The following SMIM35 variants were observed in gnomAD, a reference collection of about 807,000 sequenced individuals.
SMIM35 encodes the protein TMPRSS4 antisense RNA 1 (non-protein coding).
chr11:118,034,934 G>A (rs975188052), intron 1 of SMIM35, among the ~76,000 whole-genome samples: 2 of 151,196 alleles, frequency 1.3e-5, no homozygotes, highest in African/African-American at 2.4e-5. Flanking sequence ...ATGAATATAA[G>A]TGGTGAGGAG....
chr11:118,061,418 C>T (rs939399572), intron 1 of SMIM35, among the ~76,000 whole-genome samples: 1 of 152,204 alleles, frequency 6.6e-6, no homozygotes, highest in African/African-American at 2.4e-5. Flanking sequence ...TACTTTTATG[C>T]CAATGTATTA....
chr11:118,007,084 T>A (rs1452614401), intron 4 of SMIM35, among the ~76,000 whole-genome samples: 3 of 151,966 alleles, frequency 2.0e-5, no homozygotes, highest in Admixed American at 1.3e-4. Context: ...CACAGGGGTG[T>A]CTCCACCCAC....
At chr11:118,012,306 G>T (rs958213729) in intron 4 of SMIM35, among the ~76,000 whole-genome samples, 2 of 152,174 alleles carry the variant, frequency 1.3e-5, no homozygotes, top group African/African-American at 4.8e-5. Context: ...GACGTCCTGT[G>T]CACACTCTGC....
intron 1 of SMIM35, among the ~76,000 whole-genome samples, chr11:118,034,762 G>A (rs2058346263): frequency 1.3e-5 from 2 of 152,106 alleles, no homozygotes; most frequent in South Asian, 4.1e-4. Flanking sequence ...GAGGGAAATG[G>A]CTGCTTTCTA....
In SMIM35 at chr11:118,048,933, G is replaced by A. The variant is rs1160533055; in HGVS notation, c.8-33124C>T. 2.7e-4 allele frequency among the ~76,000 whole-genome samples: 12 copies of A among 45,266 alleles called. No individual in the cohort carries two copies. The South Asian group carries it at 6.5e-3, about 24-fold the overall frequency. 29.7% of individuals were successfully genotyped at this position (45,266 alleles called of 152,430 possible). On this transcript the variant is annotated intron_variant, in intron 1 of 4. Transcript: ENST00000689828. ...CCTGCAGCCTCATGCCTATCGCCTA[G>A]GCTGAAGAGCTGCAAAAAAAAAAAA...
intron 1 of SMIM35, among the ~76,000 whole-genome samples, chr11:118,052,144 C>T (rs181271607): frequency 1.5e-4 from 23 of 152,264 alleles, no homozygotes; most frequent in East Asian, 9.7e-4. Flanking sequence ...ATGCGGGTAG[C>T]GGGTGCTCTT....
chr11:118,029,516 G>A (rs2135053537), intron 1 of SMIM35: 1 of 385,130 alleles, frequency 2.6e-6, no homozygotes, highest in Non-Finnish European at 5.1e-6. Flanking sequence ...CCAGCTGGGG[G>A]AAGTTCTGCC....
At chr11:118,029,112 C>T (rs765641271) in intron 1 of SMIM35, 6 of 267,648 alleles carry the variant, frequency 2.2e-5, no homozygotes, top group Admixed American at 5.0e-5. Context: ...TGAAGTATAG[C>T]ATAAATAAAT....
At chr11:118,027,961 A>T (rs1161801010) in intron 1 of SMIM35, among the ~76,000 whole-genome samples, 1 of 152,198 alleles carries the variant, frequency 6.6e-6, no homozygotes, top group Non-Finnish European at 1.5e-5. Flanking sequence ...GAGTCAATAT[A>T]ATTGTGATCT....
intron 1 of SMIM35, among the ~76,000 whole-genome samples, chr11:118,047,880 C>T (rs1447247936): frequency 6.6e-6 from 1 of 152,132 alleles, no homozygotes; most frequent in Non-Finnish European, 1.5e-5. Flanking sequence ...CTTTGCTAGG[C>T]AAGGTCTGTG....
intron 1 of SMIM35, among the ~76,000 whole-genome samples, chr11:118,037,313 C>G (rs1000573816): frequency 3.9e-5 from 6 of 152,296 alleles, no homozygotes; most frequent in East Asian, 1.9e-4. Flanking sequence ...TTTGAAGAAC[C>G]ATTTGTAGCT....
At chr11:118,062,207 G>A (rs1176596319) in intron 1 of SMIM35, among the ~76,000 whole-genome samples, 5 of 152,218 alleles carry the variant, frequency 3.3e-5, no homozygotes, top group Non-Finnish European at 7.3e-5. Flanking sequence ...GTGAGTGCCT[G>A]TAATCCCAGC....
At chr11:118,034,236 C>T (rs550459693) in intron 1 of SMIM35, among the ~76,000 whole-genome samples, 19 of 152,274 alleles carry the variant, frequency 1.2e-4, no homozygotes, top group African/African-American at 4.1e-4. Context: ...TCGTGCCATT[C>T]ATTGCACTCC....
intron 1 of SMIM35, among the ~76,000 whole-genome samples, chr11:118,051,831 A>G (rs1177166851): frequency 3.7e-5 from 3 of 80,138 alleles, no homozygotes; most frequent in African/African-American, 4.7e-5. Flanking sequence ...GGTTGATACT[A>G]ATACTAATAC....
chr11:118,043,683 G>A (rs567117764), intron 1 of SMIM35, among the ~76,000 whole-genome samples: 12 of 151,868 alleles, frequency 7.9e-5, no homozygotes, highest in Admixed American at 1.3e-4. Context: ...GGTGGTGGGC[G>A]CCTGTAGTCC....
chr11:118,073,719 C>T (rs928692570), intron 1 of SMIM35, among the ~76,000 whole-genome samples: 5 of 152,188 alleles, frequency 3.3e-5, no homozygotes, highest in East Asian at 1.9e-4. Flanking sequence ...CTGTGCAAGG[C>T]GGGAGGGCTG....
chr11:118,028,006 C>T (rs2058288508), intron 1 of SMIM35, among the ~76,000 whole-genome samples: 1 of 152,234 alleles, frequency 6.6e-6, no homozygotes, highest in African/African-American at 2.4e-5. Context: ...CAGCATGGGG[C>T]TCTAGGGCAA....
At chr11:118,081,601 C>T (rs1044228459) in intron 1 of SMIM35, among the ~76,000 whole-genome samples, 3 of 152,228 alleles carry the variant, frequency 2.0e-5, no homozygotes, top group Admixed American at 1.3e-4. Flanking sequence ...CCTGTCCAGG[C>T]GTGCGCACCT....
At chr11:118,049,349 T>A (rs1944170773) in intron 1 of SMIM35, among the ~76,000 whole-genome samples, 1 of 137,914 alleles carries the variant, frequency 7.3e-6, no homozygotes, top group Non-Finnish European at 1.6e-5. Context: ...ATTTTTTTTT[T>A]TTTTTTTTTT....
Sources: gnomAD v4.1 joint callset for allele counts (sites outside exome capture counted in the v4.1 genomes callset) on GRCh38, gnomAD v4.1.1 for gene constraint, MANE v1.5 for transcripts, NCBI Gene and HGNC (gene_info 2026-07-23, HGNC 2026-07-21) for gene names.